COL15A1: variants seen among roughly 807,000 people sequenced by gnomAD.
COL15A1 encodes collagen type XV alpha 1 chain.
Under a neutral mutation model 165.9 loss-of-function variants are expected in COL15A1, and 111 were observed. The observed-to-expected ratio is 0.67, with a 90% CI of 0.57 to 0.78. The LOEUF (loss-of-function observed/expected upper bound fraction) is 0.78. COL15A1 is among the 30% of genes least tolerant of loss of function. COL15A1 has a pLI of 0.00. For synonymous variants in COL15A1, 659 were observed against 674.8 expected (o/e 0.98, Z 0.36); for missense variants, 1,745 against 1,789.7 (o/e 0.98, Z 0.45).
At chr9:99,029,877 A>G (rs1839187609) in intron 16 of COL15A1, among the ~76,000 whole-genome samples, 1 of 151,970 alleles carries the variant, frequency 6.6e-6, no homozygotes, top group South Asian at 2.1e-4. Flanking sequence ...GTGAGCCGAG[A>G]TCGTGCCATT....
intron 5 of COL15A1, among the ~76,000 whole-genome samples, chr9:98,995,723 T>C (rs1225369545): frequency 6.6e-6 from 1 of 152,246 alleles, no homozygotes. Flanking sequence ...TCCATGGTGA[T>C]TGTCTCTGGG....
intron 41 of COL15A1, among the ~76,000 whole-genome samples, chr9:99,069,066 T>G (rs1386743278): frequency 6.6e-6 from 1 of 152,236 alleles, no homozygotes; most frequent in African/African-American, 2.4e-5. Context: ...CTCTAAATCT[T>G]GAAAATTATG....
At chr9:98,956,934 T>C (rs1300555910) in intron 2 of COL15A1, among the ~76,000 whole-genome samples, 1 of 152,238 alleles carries the variant, frequency 6.6e-6, no homozygotes, top group Non-Finnish European at 1.5e-5. Context: ...GCTCTGATTG[T>C]GTTGCTCCCT....
At chr9:99,020,527 C>T (rs1016709879) in intron 12 of COL15A1, 85 bp downstream of exon 12, 1 of 946,764 alleles carries the variant, frequency 1.1e-6, no homozygotes. Flanking sequence ...TTAGCCCACT[C>T]TGATCAAGGG....
intron 14 of COL15A1, among the ~76,000 whole-genome samples, chr9:99,024,420 G>A (rs566344109): frequency 2.6e-5 from 4 of 152,060 alleles, no homozygotes; most frequent in Admixed American, 2.6e-4. Flanking sequence ...GAGTAGCTGG[G>A]ACTACAGGTG....
chr9:99,016,889 G>T (rs1046627954), intron 11 of COL15A1, among the ~76,000 whole-genome samples: 1 of 152,258 alleles, frequency 6.6e-6, no homozygotes, highest in African/African-American at 2.4e-5. Flanking sequence ...ATTGGCCACG[G>T]TGCGGCAGGA....
chr9:98,971,367 G>C (rs995129138), intron 2 of COL15A1, among the ~76,000 whole-genome samples: 5 of 152,146 alleles, frequency 3.3e-5, no homozygotes, highest in African/African-American at 1.2e-4. Flanking sequence ...CCTGCCGGGT[G>C]GGGGTGATGA....
intron 2 of COL15A1, among the ~76,000 whole-genome samples, chr9:98,948,282 CCTT>C (rs1837617292): frequency 6.6e-6 from 1 of 151,988 alleles, no homozygotes; most frequent in Admixed American, 6.6e-5. Flanking sequence ...CCAATCCCAT[CCTT>C]CTACACCATC....
At chr9:98,991,385 G>A (rs567869928) in intron 5 of COL15A1, among the ~76,000 whole-genome samples, 16 of 152,156 alleles carry the variant, frequency 1.1e-4, no homozygotes, top group East Asian at 3.8e-4. Flanking sequence ...TCATTGGTGC[G>A]TTTACAATCC....
At chr9:99,008,232 G>T (rs1341300213) in intron 9 of COL15A1, among the ~76,000 whole-genome samples, 3 of 152,104 alleles carry the variant, frequency 2.0e-5, no homozygotes, top group Non-Finnish European at 4.4e-5. Flanking sequence ...TTGGGTGAAG[G>T]CCTCACCTTG....
At chr9:99,054,505 T>G in intron 31 of COL15A1, 71 bp from the exon 32 acceptor site, 1 of 1,485,668 alleles carries the variant, frequency 6.7e-7, no homozygotes, top group Non-Finnish European at 9.0e-7. Context: ...TGAAAACCTG[T>G]CTCAGAAAGG....
At chr9:99,068,984 C>T (rs531022402) in intron 41 of COL15A1, among the ~76,000 whole-genome samples, 30 of 152,274 alleles carry the variant, frequency 2.0e-4, no homozygotes, top group East Asian at 1.5e-3. Flanking sequence ...ACATATAGCA[C>T]GCAGTGGGCA....
At chr9:99,009,906 C>A (rs146642290) in intron 9 of COL15A1, among the ~76,000 whole-genome samples, 5 of 152,292 alleles carry the variant, frequency 3.3e-5, no homozygotes, top group African/African-American at 1.2e-4. Context: ...TCCAAGAAAA[C>A]CTTGTTAATC....
chr9:99,009,512 G>C (rs1208923584), intron 9 of COL15A1, among the ~76,000 whole-genome samples: 1 of 152,132 alleles, frequency 6.6e-6, no homozygotes, highest in African/African-American at 2.4e-5. Flanking sequence ...TAATAGCTCA[G>C]AAGAAAAGCT....
chr9:99,042,183 T>C, intron 24 of COL15A1, 76 bp downstream of exon 24: 3 of 1,013,710 alleles, frequency 3.0e-6, no homozygotes, highest in Non-Finnish European at 4.5e-6. Flanking sequence ...TGAAAATAGC[T>C]ATTAACTTTT....
intron 31 of COL15A1, among the ~76,000 whole-genome samples, chr9:99,052,641 C>G (rs981483512): frequency 1.3e-5 from 2 of 152,178 alleles, no homozygotes; most frequent in African/African-American, 2.4e-5. Context: ...CTCATCTTAG[C>G]TGAGCCTCCT....
intron 31 of COL15A1, among the ~76,000 whole-genome samples, chr9:99,053,129 G>A (rs888716953): frequency 6.6e-6 from 1 of 152,228 alleles, no homozygotes; most frequent in Non-Finnish European, 1.5e-5. Flanking sequence ...CACAGGCCAG[G>A]GGATGGGGCC....
rs199962203 is a variant in COL15A1 at position 99,043,757 on chromosome 9, GC to G, written c.2575-809del. Among the ~76,000 whole-genome samples, 859 of 152,268 alleles carry G rather than the reference GC, an allele frequency of 5.6e-3. 7 individuals carry two copies. The highest frequency in any genetic ancestry group is 0.02 in the African/African-American group (822 of 41,556). ...TGTGGCTCAGCCCTGCTCCCCAGGG[GC>G]CAGCATTGAAGTTTAGGGCCAAAGC... On this transcript the variant is annotated intron_variant, in intron 24 of 41. Coordinates refer to ENST00000375001, the MANE Select transcript of COL15A1 (RefSeq NM_001855.5).
Position 99,034,585 on chromosome 9 carries a change from GTAAA to G in COL15A1, c.2079+2_2079+5del. The G allele has an allele frequency of 1.3e-5, 6 of 471,132 alleles. No homozygotes were observed. Among genetic ancestry groups the G allele is most frequent in the East Asian group, 7.5e-5 (1 of 13,308 alleles). 29.2% of individuals were successfully genotyped at this position (471,132 alleles called of 1,614,324 possible). A position where few individuals can be genotyped will look rare whatever the true frequency, so the allele number is the denominator to read the frequency against. The stretch of plus-strand genomic sequence containing the variant: ...GCCTAATGGCTCAGTTGGTGAAAAG[GTAAA>G]AAAAAAAAAAAAAAAAAAAAAAAAA... On this transcript the variant is annotated splice_donor_variant and splice_donor_5th_base_variant and intron_variant, in intron 17 of 41. Transcript: ENST00000375001. LOFTEE classifies it high-confidence loss of function.
Sources: gnomAD v4.1 joint callset for allele counts (sites outside exome capture counted in the v4.1 genomes callset) on GRCh38, gnomAD v4.1.1 for gene constraint, MANE v1.5 for transcripts, NCBI Gene and HGNC (gene_info 2026-07-23, HGNC 2026-07-21) for gene names.